The following ATXN1 variants were observed in gnomAD, a reference collection of about 807,000 sequenced individuals.
ATXN1 encodes ataxin-1.
ATXN1 carries 8 observed loss-of-function variants against 56.4 expected under a neutral mutation model. The observed-to-expected ratio is 0.14, with a 90% confidence interval of 0.08 to 0.26. The LOEUF is 0.26. Among genes scored for constraint, ATXN1 ranks in the 10% least tolerant of loss-of-function variants. The probability of loss-of-function intolerance (pLI) is 1.00; values close to 1 mark genes in which losing one functional copy is unlikely to be tolerated. For synonymous variants in ATXN1, 514 were observed against 494.6 expected (o/e 1.04, Z -0.52); for missense variants, 987 against 1,106.5 (o/e 0.89, Z 1.53).
chr6:16,436,561 A>G (rs1188241497), intron 6 of ATXN1, among the ~76,000 whole-genome samples: 7 of 152,160 alleles, frequency 4.6e-5, no homozygotes, highest in Non-Finnish European at 1.0e-4. Flanking sequence ...AGAAAGGGAA[A>G]TAGAAAGCAA....
chr6:16,468,041 T>G (rs1479516907), intron 6 of ATXN1, among the ~76,000 whole-genome samples: 1 of 152,242 alleles, frequency 6.6e-6, no homozygotes, highest in Non-Finnish European at 1.5e-5. Context: ...TCATAGGAAT[T>G]GCAGTGGCAG....
chr6:16,425,040 C>T (rs140053216), intron 6 of ATXN1, among the ~76,000 whole-genome samples: 112 of 152,360 alleles, frequency 7.4e-4, no homozygotes, highest in African/African-American at 2.6e-3. Context: ...CACATAAATT[C>T]AGCCAACTGA....
intron 6 of ATXN1, among the ~76,000 whole-genome samples, chr6:16,478,811 G>C (rs1760378933): frequency 6.6e-6 from 1 of 152,098 alleles, no homozygotes; most frequent in Admixed American, 6.6e-5. Flanking sequence ...GGAAACTTTA[G>C]AAAACCATTT....
At chr6:16,615,023 C>A (rs1048260437) in intron 3 of ATXN1, 1 of 150,284 alleles carries the variant, frequency 6.7e-6, no homozygotes, top group Non-Finnish European at 1.5e-5. Flanking sequence ...AAGTAAAAAT[C>A]CTGATCAAAA....
At chr6:16,458,812 C>T (rs948644183) in intron 6 of ATXN1, among the ~76,000 whole-genome samples, 1 of 152,196 alleles carries the variant, frequency 6.6e-6, no homozygotes, top group African/African-American at 2.4e-5. Context: ...GGTACTGCCC[C>T]AGAGGACAAA....
intron 7 of ATXN1, among the ~76,000 whole-genome samples, chr6:16,325,054 T>A (rs958094812): frequency 2.0e-5 from 3 of 151,508 alleles, no homozygotes; most frequent in Non-Finnish European, 4.4e-5. Context: ...AACTAACCAG[T>A]CCAGAGCCCA....
chr6:16,556,275 G>A (rs879630840), intron 4 of ATXN1, among the ~76,000 whole-genome samples: 4 of 152,144 alleles, frequency 2.6e-5, no homozygotes, highest in Non-Finnish European at 5.9e-5. Context: ...GGGGGACGCT[G>A]AGGAAAATGA....
chr6:16,640,557 C>T (rs1164734063), intron 3 of ATXN1, among the ~76,000 whole-genome samples: 2 of 151,412 alleles, frequency 1.3e-5, no homozygotes, highest in Non-Finnish European at 3.0e-5. Context: ...GTGGCGGGTG[C>T]CTGTAGTCTC....
intron 3 of ATXN1, among the ~76,000 whole-genome samples, chr6:16,641,702 G>A (rs1420475280): frequency 1.3e-5 from 2 of 152,294 alleles, no homozygotes; most frequent in East Asian, 3.9e-4. Context: ...ATGGATCAAG[G>A]AGTAATTTTT....
chr6:16,519,029 T>C (rs775735720), intron 5 of ATXN1, among the ~76,000 whole-genome samples: 1 of 152,202 alleles, frequency 6.6e-6, no homozygotes, highest in Non-Finnish European at 1.5e-5. Context: ...ATTTTCAATA[T>C]ATTTACACAC....
In ATXN1 at chr6:16,673,505, A is replaced by G. The variant is rs191071418; in HGVS notation, c.-614-15604T>C. Among the ~76,000 whole-genome samples the G allele has an allele frequency of 6.6e-5, 10 of 152,280 alleles. 1 individual carries two copies. The highest frequency in any genetic ancestry group is 5.9e-4 in the Admixed American group (9 of 15,306). On this transcript the variant is annotated intron_variant, in intron 2 of 7. Coordinates refer to ENST00000436367, the MANE Select transcript of ATXN1 (RefSeq NM_001128164.2). ...AGGCAGGCTGATTTATCAGCTTGGAAACTATGAGAAGGAAAGGGTCTAAGG... is the reference window on the plus strand; with the variant it reads ...AGGCAGGCTGATTTATCAGCTTGGAGACTATGAGAAGGAAAGGGTCTAAGG...
chr6:16,533,512 C>G (rs755222862), intron 4 of ATXN1, among the ~76,000 whole-genome samples: 4 of 152,180 alleles, frequency 2.6e-5, no homozygotes, highest in Admixed American at 6.5e-5. Context: ...ATATCCTTTT[C>G]TGAGTTTTAC....
intron 2 of ATXN1, among the ~76,000 whole-genome samples, chr6:16,726,008 T>C (rs1759840943): frequency 1.3e-5 from 2 of 152,194 alleles, no homozygotes; most frequent in Admixed American, 1.3e-4. Context: ...ATTTTCCTTT[T>C]GGCCATAATA....
chr6:16,739,246 C>G (rs1373611016), intron 2 of ATXN1: 1 of 151,232 alleles, frequency 6.6e-6, no homozygotes, highest in Non-Finnish European at 1.5e-5. Context: ...TAAAATAAGC[C>G]CTGCTATTTA....
chr6:16,550,533 G>T (rs1032529553), intron 4 of ATXN1, among the ~76,000 whole-genome samples: 28 of 152,228 alleles, frequency 1.8e-4, no homozygotes, highest in African/African-American at 6.3e-4. Context: ...ATGCTCTTCT[G>T]TAGTTTTAAA....
chr6:16,440,554 T>C (rs1047072970), intron 6 of ATXN1, among the ~76,000 whole-genome samples: 1 of 149,064 alleles, frequency 6.7e-6, no homozygotes, highest in Non-Finnish European at 1.5e-5. Flanking sequence ...GGTGGGATGA[T>C]TGCTTGAACC....
At chr6:16,438,161 C>T (rs143232243) in intron 6 of ATXN1, among the ~76,000 whole-genome samples, 49 of 152,308 alleles carry the variant, frequency 3.2e-4, no homozygotes, top group East Asian at 5.8e-4. Flanking sequence ...GGAGGTGGAG[C>T]TTAGGCTGGC....
intron 2 of ATXN1, chr6:16,667,013 T>C (rs1758442635): frequency 6.6e-6 from 1 of 152,188 alleles, no homozygotes; most frequent in South Asian, 2.1e-4. Context: ...TAAACAACAC[T>C]GGTTATCTTT....
intron 2 of ATXN1, among the ~76,000 whole-genome samples, chr6:16,694,406 A>G (rs552862912): frequency 6.6e-6 from 1 of 152,050 alleles, no homozygotes; most frequent in Non-Finnish European, 1.5e-5. Context: ...GGTGTGTGCC[A>G]CCACGCCCAG....
Sources: allele counts gnomAD v4.1 joint callset (sites outside exome capture counted in the v4.1 genomes callset), GRCh38; gene constraint gnomAD v4.1.1; transcripts MANE v1.5; gene names NCBI Gene and HGNC (gene_info 2026-07-23, HGNC 2026-07-21).